Variants in ARL15 observed in about 807,000 individuals in gnomAD.
ARL15 encodes ADP-ribosylation factor-like protein 15.
ARL15 carries 19 observed loss-of-function variants against 25.2 expected under a neutral mutation model. The ratio of observed to expected loss-of-function variants is 0.75; its 90% CI spans 0.53 to 1.10. The LOEUF is 1.10. Among genes scored for constraint, ARL15 ranks in the 50% least tolerant of loss-of-function variants. The pLI is 0.00. For missense variants in ARL15, 220 were observed against 246.0 expected, an observed-to-expected ratio of 0.89 and a Z score of 0.71; for synonymous variants, 94 against 86.8, an observed-to-expected ratio of 1.08 and a Z score of -0.46.
At chr5:54,302,013 C>A (rs1388816813) in intron 1 of ARL15, among the ~76,000 whole-genome samples, 1 of 152,152 alleles carries the variant, frequency 6.6e-6, no homozygotes, top group Admixed American at 6.5e-5. Flanking sequence ...GAACACCTAC[C>A]TTTATGCACA....
chr5:54,032,523 C>T (rs536845795), intron 4 of ARL15, among the ~76,000 whole-genome samples: 74 of 152,132 alleles, frequency 4.9e-4, no homozygotes, highest in African/African-American at 1.7e-3. Flanking sequence ...GCGTGAGCCA[C>T]TGCACCCGGC....
At chr5:54,052,141 T>C (rs1225080115) in intron 4 of ARL15, among the ~76,000 whole-genome samples, 2 of 152,096 alleles carry the variant, frequency 1.3e-5, no homozygotes, top group Non-Finnish European at 1.5e-5. Flanking sequence ...GAGAGACAAA[T>C]ATGTAAAACA....
chr5:54,147,421 A>G (rs1211162368), intron 3 of ARL15, among the ~76,000 whole-genome samples: 3 of 152,216 alleles, frequency 2.0e-5, no homozygotes, highest in Non-Finnish European at 4.4e-5. Context: ...TAAAACTTAC[A>G]TTTTACGTAT....
At chr5:54,063,529 G>T (rs1337890156) in intron 4 of ARL15, among the ~76,000 whole-genome samples, 2 of 152,144 alleles carry the variant, frequency 1.3e-5, no homozygotes, top group African/African-American at 2.4e-5. Flanking sequence ...CAGCACAATG[G>T]TACACTGATG....
At chr5:53,896,875 C>T (rs1744890386) in intron 4 of ARL15, among the ~76,000 whole-genome samples, 1 of 152,168 alleles carries the variant, frequency 6.6e-6, no homozygotes, top group Non-Finnish European at 1.5e-5. Context: ...ATAGTTGTGA[C>T]AACTCTTAGA....
intron 3 of ARL15, among the ~76,000 whole-genome samples, chr5:54,146,216 CA>C (rs1753907455): frequency 6.7e-6 from 1 of 149,860 alleles, no homozygotes; most frequent in East Asian, 2.0e-4. Flanking sequence ...AAAAAAAAAA[CA>C]AAAAACAATA....
At chr5:53,921,916 TA>T (rs1745871192) in intron 4 of ARL15, among the ~76,000 whole-genome samples, 2 of 152,210 alleles carry the variant, frequency 1.3e-5, no homozygotes, top group Admixed American at 1.3e-4. Flanking sequence ...CTTTCCCTTT[TA>T]AAACAAAAAA....
At chr5:54,227,625 A>C (rs750694758) in intron 1 of ARL15, among the ~76,000 whole-genome samples, 47 of 152,362 alleles carry the variant, frequency 3.1e-4, no homozygotes, top group Non-Finnish European at 5.9e-4. Context: ...GAAAGGCCTG[A>C]ATACTTCTGG....
intron 4 of ARL15, chr5:54,048,402 T>C (rs1288236361): frequency 2.4e-5 from 2 of 82,012 alleles, no homozygotes; most frequent in East Asian, 1.1e-3. Context: ...ATTATATATA[T>C]ATATATTTTT....
At chr5:54,217,108 C>T (rs1196091243) in intron 1 of ARL15, among the ~76,000 whole-genome samples, 2 of 151,198 alleles carry the variant, frequency 1.3e-5, no homozygotes, top group Admixed American at 6.6e-5. Context: ...AAATTCAGTT[C>T]GATTTAAAAG....
chr5:54,246,815 C>T (rs868694877), intron 1 of ARL15, among the ~76,000 whole-genome samples: 3 of 133,340 alleles, frequency 2.2e-5, no homozygotes, highest in Admixed American at 7.3e-5. Flanking sequence ...CACACACACA[C>T]ACACACACAC....
intron 3 of ARL15, among the ~76,000 whole-genome samples, chr5:54,117,765 G>A (rs969762555): frequency 6.6e-6 from 1 of 152,144 alleles, no homozygotes; most frequent in Non-Finnish European, 1.5e-5. Flanking sequence ...AGATTTGACT[G>A]TTTGATAGAC....
intron 1 of ARL15, among the ~76,000 whole-genome samples, chr5:54,178,256 T>C (rs992977276): frequency 6.6e-6 from 1 of 152,234 alleles, no homozygotes; most frequent in Non-Finnish European, 1.5e-5. Context: ...TTTCAATTGA[T>C]GCTCTGTTTT....
intron 3 of ARL15, among the ~76,000 whole-genome samples, chr5:54,115,327 T>C (rs894738290): frequency 6.6e-6 from 1 of 152,188 alleles, no homozygotes; most frequent in Non-Finnish European, 1.5e-5. Context: ...TTAATTTCAT[T>C]TTTTAAATTT....
chr5:53,934,876 A>C (rs1746306095), intron 4 of ARL15, among the ~76,000 whole-genome samples: 1 of 152,244 alleles, frequency 6.6e-6, no homozygotes, highest in African/African-American at 2.4e-5. Context: ...TCAATATTCA[A>C]GCTGGTAACA....
At chr5:54,113,540 T>A in intron 3 of ARL15, 130 bp from the exon 4 acceptor site, 1 of 831,930 alleles carries the variant, frequency 1.2e-6, no homozygotes, top group Non-Finnish European at 1.8e-6. Flanking sequence ...TGGTATGGAT[T>A]AAAACAGGAA....
intron 1 of ARL15, among the ~76,000 whole-genome samples, chr5:54,239,971 T>G (rs1050151885): frequency 2.0e-5 from 3 of 152,184 alleles, no homozygotes; most frequent in Non-Finnish European, 2.9e-5. Context: ...CTCAGGCCTG[T>G]AATCCCAGCA....
chr5:54,146,102 G>T (rs1044941226), intron 3 of ARL15, among the ~76,000 whole-genome samples: 1 of 151,850 alleles, frequency 6.6e-6, no homozygotes, highest in African/African-American at 2.4e-5. Context: ...AGAGTGATAG[G>T]AACTTTGTCA....
At chr5:53,892,688 G>A (rs1292479213) in intron 4 of ARL15, among the ~76,000 whole-genome samples, 4 of 151,056 alleles carry the variant, frequency 2.6e-5, no homozygotes, top group Non-Finnish European at 5.9e-5. Flanking sequence ...CTTCAGCCTT[G>A]AACTCCTGGG....
Sources: gnomAD v4.1 joint callset for allele counts (sites outside exome capture counted in the v4.1 genomes callset) on GRCh38, gnomAD v4.1.1 for gene constraint, MANE v1.5 for transcripts, NCBI Gene and HGNC (gene_info 2026-07-23, HGNC 2026-07-21) for gene names.